The following CNTNAP2 variants were observed in gnomAD, a reference collection of about 807,000 sequenced individuals.
CNTNAP2 encodes contactin-associated protein-like 2.
A neutral mutation model predicts 155.2 loss-of-function variants in CNTNAP2; 98 were observed. That is an observed-to-expected ratio of 0.63 (90% confidence interval 0.54 to 0.75). The LOEUF is 0.75. CNTNAP2 is among the 30% of genes least tolerant of loss of function. The pLI, the probability that CNTNAP2 is intolerant of heterozygous loss-of-function variation, is 0.00. For synonymous variants in CNTNAP2, 651 were observed against 631.2 expected (o/e 1.03, Z -0.47); for missense variants, 1,727 against 1,688.1 (o/e 1.02, Z -0.40).
chr7:146,178,312 C>A (rs756934096), intron 1 of CNTNAP2, among the ~76,000 whole-genome samples: 4 of 152,130 alleles, frequency 2.6e-5, no homozygotes, highest in Non-Finnish European at 5.9e-5. Flanking sequence ...GGATTACAGG[C>A]GTGAGCTACT....
intron 12 of CNTNAP2, among the ~76,000 whole-genome samples, chr7:147,597,097 C>G (rs965260019): frequency 6.6e-6 from 1 of 152,208 alleles, no homozygotes; most frequent in Non-Finnish European, 1.5e-5. Context: ...CAACCATCAG[C>G]CCTCAGGGCT....
At chr7:147,083,012 A>C (rs1428843886) in intron 4 of CNTNAP2, 2 of 152,118 alleles carry the variant, frequency 1.3e-5, no homozygotes, top group Non-Finnish European at 2.9e-5. Flanking sequence ...GCCTTCCCAA[A>C]GGTGTTCTCA....
intron 15 of CNTNAP2, among the ~76,000 whole-genome samples, chr7:147,999,498 T>G (rs1205754842): frequency 6.6e-6 from 1 of 152,244 alleles, no homozygotes; most frequent in South Asian, 2.1e-4. Context: ...TGTAAAATTA[T>G]TGATGACTGC....
intron 13 of CNTNAP2, among the ~76,000 whole-genome samples, chr7:147,705,003 A>T (rs937905641): frequency 6.6e-6 from 1 of 151,912 alleles, no homozygotes; most frequent in African/African-American, 2.4e-5. Context: ...TTCATCTTTT[A>T]AAAAACCAAC....
At chr7:147,340,624 G>T (rs1413979102) in intron 9 of CNTNAP2, among the ~76,000 whole-genome samples, 1 of 152,042 alleles carries the variant, frequency 6.6e-6, no homozygotes, top group Non-Finnish European at 1.5e-5. Context: ...AGAGTCTTCT[G>T]AAGTTTATCT....
intron 8 of CNTNAP2, among the ~76,000 whole-genome samples, chr7:147,274,077 C>T (rs1011477306): frequency 6.6e-6 from 1 of 151,434 alleles, no homozygotes. Context: ...CAAACATCTT[C>T]TTTTCCTAGT....
At chr7:146,947,557 G>GTGTATA (rs1472982138) in intron 3 of CNTNAP2, among the ~76,000 whole-genome samples, 40 of 50,728 alleles carry the variant, frequency 7.9e-4, no homozygotes, top group African/African-American at 2.2e-3. Flanking sequence ...GTGTGTGTGT[G>GTGTATA]TATATATATA....
At chr7:147,824,676 G>C (rs1198790235) in intron 13 of CNTNAP2, among the ~76,000 whole-genome samples, 2 of 151,788 alleles carry the variant, frequency 1.3e-5, no homozygotes, top group Non-Finnish European at 2.9e-5. Context: ...CTTAATACTT[G>C]AAAAAATTGT....
At chr7:148,050,945 G>A (rs530119946) in intron 15 of CNTNAP2, among the ~76,000 whole-genome samples, 5 of 152,264 alleles carry the variant, frequency 3.3e-5, no homozygotes, top group African/African-American at 1.2e-4. Flanking sequence ...GCTATACAGT[G>A]GCAGTTTGTG....
At chr7:148,128,877 C>G (rs1052392770) in intron 16 of CNTNAP2, among the ~76,000 whole-genome samples, 2 of 152,140 alleles carry the variant, frequency 1.3e-5, no homozygotes, top group Non-Finnish European at 2.9e-5. Context: ...ACCCAGGCCT[C>G]CTGACCAGCC....
At chr7:146,571,907 A>G (rs1798446765) in intron 1 of CNTNAP2, among the ~76,000 whole-genome samples, 1 of 151,806 alleles carries the variant, frequency 6.6e-6, no homozygotes, top group Non-Finnish European at 1.5e-5. Flanking sequence ...AATTTTTTGT[A>G]TTTTTAGTAG....
chr7:146,776,905 T>A (rs1368726462), intron 2 of CNTNAP2, among the ~76,000 whole-genome samples: 1 of 152,134 alleles, frequency 6.6e-6, no homozygotes, highest in East Asian at 1.9e-4. Flanking sequence ...CTTGGACACT[T>A]GGATTTGAGG....
At chr7:146,841,124 C>T (rs1444080982) in intron 3 of CNTNAP2, among the ~76,000 whole-genome samples, 5 of 152,150 alleles carry the variant, frequency 3.3e-5, no homozygotes, top group African/African-American at 2.4e-5. Context: ...ACCCTTGTGT[C>T]CCAACCCCAG....
At chr7:147,839,139 C>T (rs943413605) in intron 13 of CNTNAP2, among the ~76,000 whole-genome samples, 6 of 152,146 alleles carry the variant, frequency 3.9e-5, no homozygotes, top group Admixed American at 1.3e-4. Flanking sequence ...AGTCTTTCCA[C>T]GTTCTTCTGC....
At chr7:147,045,401 A>C (rs951898868) in intron 4 of CNTNAP2, among the ~76,000 whole-genome samples, 1 of 152,210 alleles carries the variant, frequency 6.6e-6, no homozygotes, top group Non-Finnish European at 1.5e-5. Flanking sequence ...ATTAGCTATA[A>C]TAGTGCCCGA....
intron 13 of CNTNAP2, among the ~76,000 whole-genome samples, chr7:147,712,840 A>C (rs1307950228): frequency 6.6e-6 from 1 of 152,142 alleles, no homozygotes. Context: ...ACATGTATAC[A>C]TATGTAACCA....
At chr7:146,670,517 A>T (rs559164054) in intron 1 of CNTNAP2, among the ~76,000 whole-genome samples, 3 of 152,306 alleles carry the variant, frequency 2.0e-5, no homozygotes, top group African/African-American at 7.2e-5. Context: ...TCTTATAGAC[A>T]GACTCGGATT....
intron 15 of CNTNAP2, among the ~76,000 whole-genome samples, chr7:148,023,473 G>T (rs1802320527): frequency 6.6e-6 from 1 of 152,144 alleles, no homozygotes; most frequent in Non-Finnish European, 1.5e-5. Flanking sequence ...TCCCCTGAGT[G>T]TTTCCTCTTG....
intron 1 of CNTNAP2, among the ~76,000 whole-genome samples, chr7:146,665,788 A>AAAAAAAAAAAAAAAAAAAAAAAC (rs1328734569): frequency 8.4e-5 from 12 of 142,036 alleles, no homozygotes; most frequent in African/African-American, 1.9e-4. Flanking sequence ...CTCATTAAAA[A>AAAAAAAAAAAAAAAAAAAAAAAC]AAAAAAAAAA....
Sources: gnomAD v4.1 joint callset for allele counts (sites outside exome capture counted in the v4.1 genomes callset) on GRCh38, gnomAD v4.1.1 for gene constraint, MANE v1.5 for transcripts, NCBI Gene and HGNC (gene_info 2026-07-23, HGNC 2026-07-21) for gene names.